BARD1: variants seen among roughly 807,000 people sequenced by gnomAD.
The protein encoded by BARD1 is BRCA1 associated RING domain 1, also known as BRCA1-associated RING domain protein 1.
Under a neutral mutation model 77.0 loss-of-function variants are expected in BARD1, and 73 were observed. The observed-to-expected ratio is 0.95, with a 90% CI of 0.79 to 1.15. The LOEUF (loss-of-function observed/expected upper bound fraction) is 1.15, where lower values mean the gene tolerates loss of function less well. Ranked by LOEUF, BARD1 falls within the 50% of genes most tolerant of loss-of-function variation. The probability of loss-of-function intolerance (pLI) is 0.00; values close to 1 mark genes in which losing one functional copy is unlikely to be tolerated. For synonymous variants in BARD1, 384 were observed against 338.0 expected (o/e 1.14, Z -1.49); for missense variants, 993 against 938.8 (o/e 1.06, Z -0.75).
Position 214,736,452 on chromosome 2 carries a change from TA to T in BARD1, c.1904-5945del, listed in dbSNP as rs561400894. Among the ~76,000 whole-genome samples, 32 of 152,252 alleles carry T rather than the reference TA, an allele frequency of 2.1e-4. No individual in the cohort carries two copies. The South Asian group carries it at 5.6e-3, about 27-fold the overall frequency. On this transcript the variant is annotated intron_variant, in intron 9 of 10. Coordinates refer to ENST00000260947, the MANE Select transcript of BARD1 (RefSeq NM_000465.4). ...TACAGAGTATTCATAATTGTATCTT[TA>T]ACTGCATATGGTGGCACAGAAAGCC...
intron 4 of BARD1, among the ~76,000 whole-genome samples, chr2:214,778,120 C>A (rs898844639): frequency 1.2e-4 from 19 of 152,162 alleles, no homozygotes; most frequent in African/African-American, 3.9e-4. Flanking sequence ...TGCTTGAACC[C>A]AGGAGGCGGA....
intron 8 of BARD1, 26 bp downstream of exon 8, chr2:214,745,696 C>T: frequency 6.2e-7 from 1 of 1,613,526 alleles, no homozygotes; most frequent in Non-Finnish European, 8.5e-7. Flanking sequence ...TTTTCTACCC[C>T]ACCTCCCAAA....
intron 7 of BARD1, among the ~76,000 whole-genome samples, chr2:214,751,877 A>T (rs1482029524): frequency 6.6e-6 from 1 of 152,194 alleles, no homozygotes; most frequent in Non-Finnish European, 1.5e-5. Context: ...TCCAGCAATA[A>T]CAAACTTCTT....
At chr2:214,752,017 C>T (rs1693477589) in intron 7 of BARD1, among the ~76,000 whole-genome samples, 1 of 152,222 alleles carries the variant, frequency 6.6e-6, no homozygotes, top group South Asian at 2.1e-4. Context: ...AGGCTCCACT[C>T]TGTGACCCTA....
intron 6 of BARD1, among the ~76,000 whole-genome samples, chr2:214,756,210 C>T (rs1693687744): frequency 6.6e-6 from 1 of 152,046 alleles, no homozygotes; most frequent in African/African-American, 2.4e-5. Flanking sequence ...TGATTGAGTC[C>T]TCACCAGATC....
chr2:214,750,768 C>G (rs1383574117), intron 7 of BARD1, among the ~76,000 whole-genome samples: 2 of 152,040 alleles, frequency 1.3e-5, no homozygotes, highest in African/African-American at 4.8e-5. Context: ...CAGTTGGCCA[C>G]TGTCATATCT....
At chr2:214,785,922 AGAG>A (rs751634119) in intron 3 of BARD1, among the ~76,000 whole-genome samples, 1 of 151,990 alleles carries the variant, frequency 6.6e-6, no homozygotes, top group South Asian at 2.1e-4. Flanking sequence ...TTAAAAAGAA[AGAG>A]AAGAGAGAGA....
At position 214,761,706 on chromosome 2, in the gene BARD1, GT is replaced by G. The variant is rs201162235; in HGVS notation, c.1568+5775del. On this transcript the variant is annotated intron_variant, in intron 6 of 10. Coordinates refer to ENST00000260947, the MANE Select transcript of BARD1 (RefSeq NM_000465.4). ...AAATCATTCAATAAAATAAAATACA[GT>G]CTTGTTAGAAAATAATAAAGGGAAG... Among the ~76,000 whole-genome samples the G allele has an allele frequency of 5.5e-3, 832 of 152,066 alleles. 7 individuals are homozygous for G. The highest frequency in any genetic ancestry group is 0.019 in the African/African-American group (800 of 41,484).
chr2:214,806,875 GGA>G (rs1559451251), intron 1 of BARD1, among the ~76,000 whole-genome samples: 2 of 105,986 alleles, frequency 1.9e-5, no homozygotes, highest in African/African-American at 3.4e-5. Context: ...CTTTGCCTAG[GGA>G]AAAAAAAAAA....
At chr2:214,732,954 G>A (rs1420400025) in intron 9 of BARD1, among the ~76,000 whole-genome samples, 1 of 152,108 alleles carries the variant, frequency 6.6e-6, no homozygotes, top group Non-Finnish European at 1.5e-5. Flanking sequence ...AAATGTGTTT[G>A]AGTCCTCTTT....
At chr2:214,745,401 A>T (rs74528217) in intron 8 of BARD1, among the ~76,000 whole-genome samples, 2 of 152,128 alleles carry the variant, frequency 1.3e-5, no homozygotes, top group African/African-American at 4.8e-5. Flanking sequence ...ACAAATTTTT[A>T]TTTTCAAATT....
intron 9 of BARD1, among the ~76,000 whole-genome samples, chr2:214,741,704 A>C (rs1440049100): frequency 1.3e-5 from 2 of 152,190 alleles, no homozygotes; most frequent in Non-Finnish European, 2.9e-5. Flanking sequence ...AATAAGTATC[A>C]TTCTGTAAAA....
At chr2:214,759,708 A>C (rs541282161) in intron 6 of BARD1, among the ~76,000 whole-genome samples, 2 of 152,290 alleles carry the variant, frequency 1.3e-5, no homozygotes, top group East Asian at 3.9e-4. Flanking sequence ...CATAATTATA[A>C]AGATTTAGGG....
Position 214,730,457 on chromosome 2 carries a change from T to G in BARD1, c.1955A>C (p.Glu652Ala). ...GCTTCTGCGTGGACCTTCAGGAATT[T>G]CATACTTTTCTTCCTGTTCACATAC... ...RKVCEQEEKY[E>A]IPEGPRRSRL... Residue 652 changes from glutamate to alanine, a missense_variant, in exon 10 of 11, where the codon GAA becomes GCA. Glu to Ala is a moderately radical substitution (Grantham distance 107). Transcript: ENST00000260947. 8 of 1,614,002 alleles carry G rather than the reference T, an allele frequency of 5.0e-6. No homozygotes were observed. Among genetic ancestry groups the G allele is most frequent in the Non-Finnish European group, 6.8e-6 (8 of 1,179,966 alleles).
At chr2:214,752,187 T>A (rs944080732) in intron 7 of BARD1, among the ~76,000 whole-genome samples, 4 of 152,196 alleles carry the variant, frequency 2.6e-5, no homozygotes, top group South Asian at 4.1e-4. Flanking sequence ...GGTAAGCTCC[T>A]CCCTGAGAAT....
chr2:214,769,045 AT>A lies in BARD1; in HGVS notation c.1395+186del, dbSNP rs757992870. Among the ~76,000 whole-genome samples, 7 of 152,228 alleles carry A rather than the reference AT, an allele frequency of 4.6e-5. No individual in the cohort carries two copies. In the East Asian group the frequency reaches 9.6e-4, roughly 21 times the overall value. ...AAGGTAGTCTGTCAAAAGGTAACCA[AT>A]TTCTTGCCTGTCACAAATGAAAAGC... On this transcript the variant is annotated intron_variant, in intron 5 of 10. Transcript: ENST00000260947.
At chr2:214,760,778 T>C (rs942326799) in intron 6 of BARD1, among the ~76,000 whole-genome samples, 1 of 144,344 alleles carries the variant, frequency 6.9e-6, no homozygotes, top group Non-Finnish European at 1.5e-5. Context: ...GGGACTTTTT[T>C]CTTTTTTTTT....
At chr2:214,762,068 T>C (rs916966364) in intron 6 of BARD1, among the ~76,000 whole-genome samples, 4 of 152,196 alleles carry the variant, frequency 2.6e-5, no homozygotes, top group Admixed American at 6.5e-5. Context: ...AGGTTGAGCA[T>C]TGCTAATCCA....
intron 9 of BARD1, among the ~76,000 whole-genome samples, chr2:214,743,474 T>C (rs1332127223): frequency 6.6e-6 from 1 of 152,256 alleles, no homozygotes; most frequent in East Asian, 1.9e-4. Flanking sequence ...TGTACAGAGA[T>C]GTCCCACGTA....
Sources: allele counts gnomAD v4.1 joint callset (sites outside exome capture counted in the v4.1 genomes callset), GRCh38; gene constraint gnomAD v4.1.1; transcripts MANE v1.5; gene names NCBI Gene and HGNC (gene_info 2026-07-23, HGNC 2026-07-21).